Variants in DCDC1 observed in about 807,000 individuals in gnomAD.
The protein encoded by DCDC1 is doublecortin domain-containing protein 1.
Under a neutral mutation model 178.3 loss-of-function variants are expected in DCDC1, and 200 were observed. That is an observed-to-expected ratio of 1.12 (90% CI 1.00 to 1.26). The LOEUF is 1.26. Among genes scored for constraint, DCDC1 ranks in the 50% most tolerant of loss-of-function variants. The pLI is 0.00. For synonymous variants in DCDC1, 690 were observed against 604.8 expected, an observed-to-expected ratio of 1.14 and a Z score of -2.07; for missense variants, 1,983 against 1,749.2, an observed-to-expected ratio of 1.13 and a Z score of -2.38.
At chr11:31,082,700 CAT>C (rs748934518) in intron 17 of DCDC1, among the ~76,000 whole-genome samples, 18 of 151,648 alleles carry the variant, frequency 1.2e-4, no homozygotes, top group Middle Eastern at 3.4e-3. Context: ...TACATTTACA[CAT>C]ATATATATAT....
In DCDC1 at chr11:31,290,648, T is replaced by A. The variant is rs759581018; in HGVS notation, c.959A>T (p.Lys320Met). 1.3e-6 allele frequency: 2 copies of A among 1,597,032 alleles called. No individual in the cohort carries two copies. ...GTTCAATATTTAATTAAAAATTACCTTTTTCATTGTTTCTTTTCCCACTGT... is the reference window on the plus strand; with the variant it reads ...GTTCAATATTTAATTAAAAATTACCATTTTCATTGTTTCTTTTCCCACTGT... ...EITVGKETMK[K>M]VLDTCTIRMN... The change falls in exon 7 of 39, where the codon AAG (lysine) becomes ATG (methionine). Residue 320 changes from lysine to methionine, a missense_variant and splice_region_variant. Transcript: ENST00000684477.
At chr11:30,978,699 T>G (rs1053719549) in intron 20 of DCDC1, among the ~76,000 whole-genome samples, 1 of 151,910 alleles carries the variant, frequency 6.6e-6, no homozygotes, top group Non-Finnish European at 1.5e-5. Context: ...TACAGTGCTA[T>G]AGAACGTTAG....
intron 9 of DCDC1, among the ~76,000 whole-genome samples, chr11:31,219,723 T>C (rs189730439): frequency 4.6e-5 from 7 of 152,292 alleles, no homozygotes; most frequent in South Asian, 2.1e-4. Flanking sequence ...AGAATGATGA[T>C]ATGATGATGG....
chr11:31,121,353 T>C (rs1299926449), intron 11 of DCDC1, among the ~76,000 whole-genome samples: 6 of 144,364 alleles, frequency 4.2e-5, no homozygotes, highest in Middle Eastern at 3.6e-3. Flanking sequence ...TATGTTTCCA[T>C]TTTTTTTTAA....
chr11:30,926,663 A>T (rs1946610436), intron 22 of DCDC1, among the ~76,000 whole-genome samples: 1 of 152,270 alleles, frequency 6.6e-6, no homozygotes, highest in South Asian at 2.1e-4. Flanking sequence ...ACATTCTAAT[A>T]CAAAATTACA....
At chr11:31,229,123 C>A (rs1453045293) in intron 9 of DCDC1, among the ~76,000 whole-genome samples, 5 of 152,092 alleles carry the variant, frequency 3.3e-5, no homozygotes, top group Admixed American at 6.6e-5. Flanking sequence ...TTAAAACCTA[C>A]CTGTAAACAA....
intron 9 of DCDC1, among the ~76,000 whole-genome samples, chr11:31,236,618 C>T (rs1010871782): frequency 1.3e-5 from 2 of 151,646 alleles, no homozygotes; most frequent in Non-Finnish European, 1.5e-5. Context: ...TAAAATACTT[C>T]AAGTAACTAG....
At chr11:31,137,151 T>C (rs1160723835) in intron 10 of DCDC1, among the ~76,000 whole-genome samples, 2 of 152,126 alleles carry the variant, frequency 1.3e-5, no homozygotes, top group East Asian at 3.8e-4. Flanking sequence ...TGAGAAAATA[T>C]TCATGAGACT....
In DCDC1 at chr11:30,973,367, T is replaced by C. The variant is rs554899306; in HGVS notation, c.2592-20799A>G. ...CTGGCTCCCTATTTGTCTTCCACTA[T>C]GACTGTAAGTTTCCTGAGGCATCTC... On this transcript the variant is annotated intron_variant, in intron 20 of 38. Coordinates refer to ENST00000684477, the MANE Select transcript of DCDC1 (RefSeq NM_001387274.1). Among the ~76,000 whole-genome samples the C allele has an allele frequency of 1.7e-4, 26 of 152,004 alleles. 1 individual carries two copies. The East Asian group carries it at 3.3e-3, about 19-fold the overall frequency.
intron 20 of DCDC1, among the ~76,000 whole-genome samples, chr11:30,972,286 T>C (rs1316257242): frequency 6.6e-6 from 1 of 152,188 alleles, no homozygotes; most frequent in Non-Finnish European, 1.5e-5. Context: ...GCAAGTTTCT[T>C]AGTAGAAACA....
At chr11:31,058,414 A>G (rs940149865) in intron 20 of DCDC1, among the ~76,000 whole-genome samples, 1 of 152,198 alleles carries the variant, frequency 6.6e-6, no homozygotes, top group Non-Finnish European at 1.5e-5. Context: ...TGAAGCTTAC[A>G]TTCTAATTGG....
intron 8 of DCDC1, among the ~76,000 whole-genome samples, chr11:31,251,326 G>T (rs1944015658): frequency 6.6e-6 from 1 of 152,126 alleles, no homozygotes. Flanking sequence ...CAGACATTTG[G>T]CTGAACATTA....
At chr11:31,250,734 C>G (rs148015008) in intron 8 of DCDC1, among the ~76,000 whole-genome samples, 1 of 150,470 alleles carries the variant, frequency 6.6e-6, no homozygotes. Context: ...GAATTTTCCA[C>G]TTATGTTAGG....
At chr11:30,942,449 G>T (rs1947718040) in intron 21 of DCDC1, among the ~76,000 whole-genome samples, 1 of 152,154 alleles carries the variant, frequency 6.6e-6, no homozygotes, top group Admixed American at 6.6e-5. Context: ...AATTACTGTT[G>T]CATTGAAGTC....
At chr11:31,004,825 A>G (rs951956997) in intron 20 of DCDC1, among the ~76,000 whole-genome samples, 7 of 152,160 alleles carry the variant, frequency 4.6e-5, no homozygotes, top group African/African-American at 1.7e-4. Context: ...CTATAAAATC[A>G]GATAAAAATA....
chr11:31,255,645 C>T (rs1944371566), intron 8 of DCDC1, among the ~76,000 whole-genome samples: 1 of 152,184 alleles, frequency 6.6e-6, no homozygotes, highest in Non-Finnish European at 1.5e-5. Context: ...AACGTTGATT[C>T]AAGTCCTTTG....
intron 21 of DCDC1, among the ~76,000 whole-genome samples, chr11:30,934,436 T>G (rs927161646): frequency 3.3e-5 from 5 of 151,966 alleles, no homozygotes; most frequent in Admixed American, 3.3e-4. Flanking sequence ...CAGCTTGGGG[T>G]ATATGGAGAG....
At chr11:30,957,552 G>A (rs1312322842) in intron 20 of DCDC1, among the ~76,000 whole-genome samples, 2 of 152,200 alleles carry the variant, frequency 1.3e-5, no homozygotes, top group Admixed American at 1.3e-4. Context: ...GGTGATAAAG[G>A]ATTCTGTGTT....
rs1590386072 is a variant in DCDC1, at chr11:30,925,520, G to A, written c.2898-112C>T. 2.2e-5 allele frequency: 20 copies of A among 905,202 alleles called. No homozygotes were observed. The South Asian group carries it at 2.5e-4, about 11-fold the overall frequency. The allele number at this position is 905,202 out of a possible 1,614,324, so 56.1% of individuals were successfully genotyped here. A position where few individuals can be genotyped will look rare whatever the true frequency, so the allele number is the denominator to read the frequency against. On this transcript the variant is annotated intron_variant, in intron 22 of 38. Transcript: ENST00000684477. ...TCCATAATGACAACTCTCTCTGCAG[G>A]ACTGTTAGTCATGAGCTGGACTCTG...
Sources: allele counts gnomAD v4.1 joint callset (sites outside exome capture counted in the v4.1 genomes callset), GRCh38; gene constraint gnomAD v4.1.1; transcripts MANE v1.5; gene names NCBI Gene and HGNC (gene_info 2026-07-23, HGNC 2026-07-21).